The following OPHN1 variants were observed in gnomAD, a reference collection of about 807,000 sequenced individuals.
The protein encoded by OPHN1 is oligophrenin-1.
OPHN1 carries 11 observed loss-of-function variants against 60.7 expected under a neutral mutation model. The ratio of observed to expected loss-of-function variants is 0.18; its 90% CI spans 0.11 to 0.30. OPHN1 has a LOEUF of 0.30. OPHN1 is among the 10% of genes least tolerant of loss of function. The pLI is 1.00. For synonymous variants in OPHN1, 226 were observed against 222.6 expected, an observed-to-expected ratio of 1.02 and a Z score of -0.14; for missense variants, 449 against 611.0, an observed-to-expected ratio of 0.73 and a Z score of 2.80.
At chrX:68,091,154 C>T (rs1286005896) in intron 19 of OPHN1, among the ~76,000 whole-genome samples, 1 of 111,491 alleles carries the variant, frequency 9.0e-6, no homozygotes, top group Non-Finnish European at 1.9e-5. Flanking sequence ...ACTTACTACA[C>T]TCAATGCCTC....
rs559174030 is a variant in OPHN1, at chrX:68,071,808, A to G, written c.1834+1344T>C. The G allele has an allele frequency of 7.5e-6, 3 of 397,623 alleles. No homozygotes were observed. The South Asian group carries it at 1.2e-4, about 15-fold the overall frequency. 32.8% of individuals were successfully genotyped at this position (397,623 alleles called of 1,213,427 possible). On this transcript the variant is annotated intron_variant, in intron 20 of 24. Transcript: ENST00000355520. ...AGGTCGATGATTCAGACAGTAAGGGAGCCGGCTGCTGATGTGTGCTTGGGA... is the reference window on the plus strand; with the variant it reads ...AGGTCGATGATTCAGACAGTAAGGGGGCCGGCTGCTGATGTGTGCTTGGGA...
At chrX:68,209,961 A>G in intron 9 of OPHN1, 192 bp downstream of exon 9, 1 of 487,677 alleles carries the variant, frequency 2.1e-6, no homozygotes, top group Non-Finnish European at 3.6e-6. Flanking sequence ...AGCCTTTGTA[A>G]GACAAATCTT....
chrX:68,071,002 A>T (rs1602136562), intron 20 of OPHN1: 2 of 1,137,840 alleles, frequency 1.8e-6, no homozygotes, highest in Admixed American at 4.4e-5. Flanking sequence ...CTCTTCATCA[A>T]ACAGAGAAGT....
chrX:68,350,004 C>T (rs1175964963), intron 2 of OPHN1, among the ~76,000 whole-genome samples: 1 of 111,055 alleles, frequency 9.0e-6, no homozygotes, highest in East Asian at 2.9e-4. Context: ...CATGCGTATA[C>T]CTATGTAACA....
chrX:68,352,125 A>C (rs1265327624), intron 2 of OPHN1, among the ~76,000 whole-genome samples: 1 of 109,469 alleles, frequency 9.1e-6, no homozygotes, highest in Non-Finnish European at 1.9e-5. Context: ...TGCCCGCCTC[A>C]GCCTCTGAAA....
chrX:68,190,288 C>T (rs1337129071), intron 15 of OPHN1, among the ~76,000 whole-genome samples: 1 of 112,239 alleles, frequency 8.9e-6, no homozygotes. Flanking sequence ...GGAATATGTT[C>T]ACTTTTCAAT....
chrX:68,076,863 T>A (rs920936043), intron 19 of OPHN1, among the ~76,000 whole-genome samples: 14 of 111,691 alleles, frequency 1.3e-4, no homozygotes, highest in Non-Finnish European at 2.4e-4. Context: ...CTTAAATTAA[T>A]CTCAGAATAA....
chrX:68,422,306 G>A (rs1191058260), intron 2 of OPHN1, among the ~76,000 whole-genome samples: 2 of 109,612 alleles, frequency 1.8e-5, no homozygotes, highest in Non-Finnish European at 3.8e-5. Context: ...GATCGCTTGA[G>A]CCCAGGAGTT....
chrX:68,215,665 GT>G (rs2077605154), intron 6 of OPHN1, among the ~76,000 whole-genome samples: 1 of 111,708 alleles, frequency 9.0e-6, no homozygotes, highest in South Asian at 3.7e-4. Flanking sequence ...AGGATAAAGA[GT>G]TATATCAGAC....
At chrX:68,084,677 G>A (rs1420880089) in intron 19 of OPHN1, among the ~76,000 whole-genome samples, 7 of 110,724 alleles carry the variant, frequency 6.3e-5, no homozygotes, top group African/African-American at 2.3e-4. Flanking sequence ...GATAGATATG[G>A]GCTCACTGAC....
chrX:68,335,332 G>T (rs941081300), intron 2 of OPHN1, among the ~76,000 whole-genome samples: 2 of 111,779 alleles, frequency 1.8e-5, no homozygotes, highest in African/African-American at 6.5e-5. Flanking sequence ...CAGTGCAATA[G>T]AATCACATGG....
intron 2 of OPHN1, among the ~76,000 whole-genome samples, chrX:68,406,834 T>G (rs1255242569): frequency 8.9e-6 from 1 of 112,433 alleles, no homozygotes; most frequent in Non-Finnish European, 1.9e-5. Context: ...GACTGAAGGA[T>G]AAACTGAGGT....
rs765142185 is a variant in OPHN1 at position 68,044,398 on chromosome X, A to G, written c.*2774T>C. 1.3e-4 allele frequency: 15 copies of G among 113,006 alleles called. No homozygotes were observed. Among genetic ancestry groups the G allele is most frequent in the Non-Finnish European group, 2.1e-4 (11 of 53,413 alleles). 9.3% of individuals were successfully genotyped at this position (113,006 alleles called of 1,213,427 possible). A position where few individuals can be genotyped will look rare whatever the true frequency, so the allele number is the denominator to read the frequency against. ...TAATTTCTTTCTCTGTAAAATGAGA[A>G]TACTTGCATGAATATGAAACACTGA... On this transcript the variant is annotated 3_prime_UTR_variant, in exon 25 of 25. Transcript: ENST00000355520.
intron 5 of OPHN1, among the ~76,000 whole-genome samples, chrX:68,240,112 A>G (rs1653906056): frequency 8.9e-6 from 1 of 112,132 alleles, no homozygotes; most frequent in African/African-American, 3.2e-5. Context: ...CGCCCGGCCA[A>G]TTTTCATTCT....
chrX:68,409,164 G>GGGTA (rs981883548), intron 2 of OPHN1, among the ~76,000 whole-genome samples: 13 of 111,945 alleles, frequency 1.2e-4, no homozygotes, highest in Non-Finnish European at 2.1e-4. Flanking sequence ...GAGGGGAACA[G>GGGTA]GGTAGGTGTT....
intron 2 of OPHN1, among the ~76,000 whole-genome samples, chrX:68,303,149 C>G (rs1281859920): frequency 9.0e-6 from 1 of 111,658 alleles, no homozygotes; most frequent in Non-Finnish European, 1.9e-5. Flanking sequence ...CTACCCAAAA[C>G]AATCTATACT....
intron 5 of OPHN1, among the ~76,000 whole-genome samples, chrX:68,240,985 C>A (rs1233045560): frequency 9.0e-6 from 1 of 111,517 alleles, no homozygotes; most frequent in Non-Finnish European, 1.9e-5. Flanking sequence ...AGAATATTTG[C>A]CATTTTGTTA....
intron 2 of OPHN1, among the ~76,000 whole-genome samples, chrX:68,387,262 G>T (rs991178839): frequency 1.9e-5 from 2 of 105,653 alleles, no homozygotes; most frequent in Non-Finnish European, 3.9e-5. Context: ...TGGGCAAGTC[G>T]TGATGATTCC....
intron 18 of OPHN1, among the ~76,000 whole-genome samples, chrX:68,098,602 G>T (rs1184190163): frequency 8.9e-6 from 1 of 112,111 alleles, no homozygotes; most frequent in Admixed American, 9.4e-5. Context: ...AGATGGAAAT[G>T]AACAGCAACC....
Sources: gnomAD v4.1 joint callset for allele counts (sites outside exome capture counted in the v4.1 genomes callset) on GRCh38, gnomAD v4.1.1 for gene constraint, MANE v1.5 for transcripts, NCBI Gene and HGNC (gene_info 2026-07-23, HGNC 2026-07-21) for gene names.